The following MTAP variants were observed in gnomAD, a reference collection of about 807,000 sequenced individuals.
MTAP encodes the protein methylthioadenosine phosphorylase.
MTAP carries 33 observed loss-of-function variants against 33.6 expected under a neutral mutation model. The ratio of observed to expected loss-of-function variants is 0.98; its 90% CI spans 0.74 to 1.31. The LOEUF (loss-of-function observed/expected upper bound fraction) is 1.31, where lower values mean the gene tolerates loss of function less well. MTAP is among the 40% of genes most tolerant of loss of function. The pLI is 0.00. For missense variants in MTAP, 367 were observed against 360.0 expected (o/e 1.02, Z -0.16); for synonymous variants, 148 against 125.7 (o/e 1.18, Z -1.19).
At chr9:21,836,294 C>T (rs6475586) in intron 4 of MTAP, among the ~76,000 whole-genome samples, 2,440 of 152,282 alleles carry the variant, frequency 0.016, 72 homozygotes, top group African/African-American at 0.055. Flanking sequence ...GAAATTAAGA[C>T]TGTAGTTAAT....
intron 1 of MTAP, among the ~76,000 whole-genome samples, chr9:21,925,236 T>C (rs552339824): frequency 2.6e-5 from 4 of 152,278 alleles, no homozygotes; most frequent in Admixed American, 1.3e-4. Context: ...CCCACCACTT[T>C]CCTAGAGAGG....
downstream of MTAP, chr9:21,941,106 G>A (rs1250479066): frequency 3.0e-6 from 2 of 669,382 alleles, no homozygotes; most frequent in South Asian, 6.7e-5. Flanking sequence ...ATTTTAAAAT[G>A]TACCAGTTAT....
chr9:21,888,652 G>A (rs1818151220), intron 1 of MTAP, among the ~76,000 whole-genome samples: 1 of 151,842 alleles, frequency 6.6e-6, no homozygotes, highest in Non-Finnish European at 1.5e-5. Context: ...GCTTGTTTTG[G>A]CATCCATTTG....
Position 21,831,478 on chromosome 9 carries a change from T to C in MTAP, c.348-6430T>C, listed in dbSNP as rs953141684. Among the ~76,000 whole-genome samples the C allele has an allele frequency of 2.7e-5, 4 of 146,854 alleles. No individual in the cohort carries two copies. In the Admixed American group the frequency reaches 2.8e-4, roughly 10 times the overall value. ...TCTAGTAGCTAGGATTACAGGAATC[T>C]GCCACTGTGCTTGGTAATTTTTTTT... is the stretch of plus-strand genomic sequence containing the variant. On this transcript the variant is annotated intron_variant, in intron 4 of 7. Transcript: ENST00000644715.
At chr9:21,929,691 C>A (rs1818924958) in intron 1 of MTAP, 2 of 239,846 alleles carry the variant, frequency 8.3e-6, no homozygotes. Flanking sequence ...CTCAACAGGA[C>A]CCTAATCTGA....
intron 1 of MTAP, among the ~76,000 whole-genome samples, chr9:21,807,704 A>T (rs1052496964): frequency 2.0e-5 from 3 of 152,206 alleles, no homozygotes; most frequent in Admixed American, 6.5e-5. Flanking sequence ...AGGAGCAGCC[A>T]GGTTTTGTAC....
Position 21,816,718 on chromosome 9 carries a change from C to A in MTAP, c.125C>A (p.Ser42Tyr), listed in dbSNP as rs1824484745. Reference sequence around the variant, plus strand: ...TCATTTTTTCATTGCATGCAGCCATCTGATGCCTTAATTTTGGGGAAGATA... The same window carrying A: ...TCATTTTTTCATTGCATGCAGCCATATGATGCCTTAATTTTGGGGAAGATA... ...KYVDTPFGKP[S>Y]DALILGKIKN... Residue 42 changes from serine to tyrosine, a missense_variant, in exon 3 of 8, where the codon TCT becomes TAT. Transcript: ENST00000644715. The A allele has an allele frequency of 6.2e-7, 1 of 1,611,708 alleles. No homozygotes were observed. The highest frequency in any genetic ancestry group is 8.5e-7 in the Non-Finnish European group (1 of 1,179,118).
chr9:21,933,264 A>C (rs1818990902), downstream of MTAP: 1 of 152,220 alleles, frequency 6.6e-6, no homozygotes, highest in African/African-American at 2.4e-5. Flanking sequence ...ATCTGGCATA[A>C]AGATTATTTT....
chr9:21,915,084 C>CTTTCTTTCTTTCTTTCTTTTCTTT (rs369342496), intron 1 of MTAP, among the ~76,000 whole-genome samples: 1 of 72,416 alleles, frequency 1.4e-5, no homozygotes, highest in African/African-American at 1.1e-4. Context: ...TTCTTTCTTT[C>CTTTCTTTCTTTCTTTCTTTTCTTT]CTTTCTTTCT....
At chr9:21,821,980 C>A (rs1394820151) in intron 4 of MTAP, among the ~76,000 whole-genome samples, 2 of 152,100 alleles carry the variant, frequency 1.3e-5, no homozygotes, top group Non-Finnish European at 2.9e-5. Context: ...GTGATATCCC[C>A]TTTATCATTT....
downstream of MTAP, among the ~76,000 whole-genome samples, chr9:21,869,761 A>G (rs1825909395): frequency 6.6e-6 from 1 of 152,162 alleles, no homozygotes; most frequent in East Asian, 1.9e-4. Flanking sequence ...CTTCCAACCT[A>G]GTCTGAGCCA....
intron 4 of MTAP, among the ~76,000 whole-genome samples, chr9:21,836,332 T>G (rs1361022877): frequency 1.3e-5 from 2 of 152,206 alleles, no homozygotes; most frequent in Non-Finnish European, 2.9e-5. Flanking sequence ...TAACGTTGCA[T>G]GAAGCTTAAC....
downstream of MTAP, among the ~76,000 whole-genome samples, chr9:21,939,168 T>G (rs1036453704): frequency 2.0e-5 from 3 of 152,174 alleles, no homozygotes; most frequent in East Asian, 1.9e-4. Context: ...AGGTAAGAAG[T>G]GCCTTTCAGC....
intron 4 of MTAP, among the ~76,000 whole-genome samples, chr9:21,829,674 C>T (rs1016702678): frequency 2.0e-5 from 3 of 151,730 alleles, no homozygotes; most frequent in African/African-American, 7.3e-5. Flanking sequence ...CAAAGGCTAG[C>T]GAGATTGTTT....
downstream of MTAP, among the ~76,000 whole-genome samples, chr9:21,870,076 C>T (rs1351149745): frequency 6.6e-6 from 1 of 152,192 alleles, no homozygotes; most frequent in African/African-American, 2.4e-5. Flanking sequence ...ACCTGGAACA[C>T]TCTCCCAGCA....
intron 1 of MTAP, among the ~76,000 whole-genome samples, chr9:21,920,047 A>G (rs1395256166): frequency 6.7e-6 from 1 of 150,130 alleles, no homozygotes; most frequent in Non-Finnish European, 1.5e-5. Context: ...AGGATTAGAG[A>G]CAAGAGAACA....
chr9:21,882,664 CAG>C lies in MTAP; in HGVS notation c.147+27796_147+27797del, dbSNP rs563082350. Among the ~76,000 whole-genome samples the C allele has an allele frequency of 7.2e-5, 11 of 152,066 alleles. No individual in the cohort carries two copies. The South Asian group carries it at 2.3e-3, about 32-fold the overall frequency. On this transcript the variant is annotated intron_variant, in intron 1 of 1. Transcript: ENST00000577563. ...AAGTAAACGTTTTATATGCAATAAT[CAG>C]AAAATATCTCTATACATTCTTTCAA...
At chr9:21,852,082 T>A (rs888037444) in intron 5 of MTAP, among the ~76,000 whole-genome samples, 3 of 152,208 alleles carry the variant, frequency 2.0e-5, no homozygotes, top group Admixed American at 2.0e-4. Context: ...AACAAAATGA[T>A]GGCATTTGCA....
At chr9:21,823,257 T>A (rs1297150786) in intron 4 of MTAP, among the ~76,000 whole-genome samples, 1 of 152,220 alleles carries the variant, frequency 6.6e-6, no homozygotes, top group African/African-American at 2.4e-5. Context: ...GTTTTTGCAG[T>A]GGCTGGTACC....
Sources: gnomAD v4.1 joint callset for allele counts (sites outside exome capture counted in the v4.1 genomes callset) on GRCh38, gnomAD v4.1.1 for gene constraint, MANE v1.5 for transcripts, NCBI Gene and HGNC (gene_info 2026-07-23, HGNC 2026-07-21) for gene names.